ADAP1: variants seen among roughly 807,000 people sequenced by gnomAD.
The protein encoded by ADAP1 is arf-GAP with dual PH domain-containing protein 1.
ADAP1 carries 31 observed loss-of-function variants against 54.9 expected under a neutral mutation model. The observed-to-expected ratio is 0.56, with a 90% confidence interval of 0.42 to 0.76. The LOEUF (loss-of-function observed/expected upper bound fraction) is 0.76. Among genes scored for constraint, ADAP1 ranks in the 30% least tolerant of loss-of-function variants. The probability of loss-of-function intolerance (pLI) is 0.00; values close to 1 mark genes in which losing one functional copy is unlikely to be tolerated. For synonymous variants in ADAP1, 313 were observed against 202.6 expected (o/e 1.55, Z -4.63); for missense variants, 535 against 512.4 (o/e 1.04, Z -0.42).
chr7:903,815 C>T (rs936459741), intron 6 of ADAP1: 10 of 297,954 alleles, frequency 3.4e-5, no homozygotes, highest in Non-Finnish European at 5.8e-5. Flanking sequence ...CCCGAGCTGG[C>T]AGCCCCCACT....
intron 1 of ADAP1, among the ~76,000 whole-genome samples, chr7:947,400 C>A (rs893206481): frequency 2.0e-5 from 3 of 152,054 alleles, no homozygotes; most frequent in Admixed American, 6.5e-5. Flanking sequence ...CACACACTGG[C>A]AACCCCTGTC....
At chr7:913,283 C>G (rs1417646013) in intron 4 of ADAP1, among the ~76,000 whole-genome samples, 1 of 144,828 alleles carries the variant, frequency 6.9e-6, no homozygotes, top group Non-Finnish European at 1.5e-5. Context: ...TCACTGCAAG[C>G]TCCACCTCCT....
At position 954,481 on chromosome 7, in the gene ADAP1, C is replaced by A; in HGVS notation, c.-4G>T. ...CCCTGCGCCGCTCCTTGGCCATGGC[C>A]GCGATGCGCCCGCGATGCCGATGCC... On this transcript the variant is annotated 5_prime_UTR_variant, in exon 1 of 11. Transcript: ENST00000265846. The A allele has an allele frequency of 9.7e-7, 1 of 1,026,726 alleles. No homozygotes were observed. 63.6% of individuals were successfully genotyped at this position (1,026,726 alleles called of 1,614,324 possible).
At chr7:935,548 A>AC in intron 1 of ADAP1, 43 bp from the exon 2 acceptor site, 1 of 1,549,618 alleles carries the variant, frequency 6.5e-7, no homozygotes, top group Non-Finnish European at 8.7e-7. Flanking sequence ...CAGCCCAGGG[A>AC]CCCCGGAGGG....
chr7:899,018 G>T lies in ADAP1; in HGVS notation c.1096+15C>A, dbSNP rs200952842. The stretch of plus-strand genomic sequence containing the variant: ...TGGGAGCCCTTCCAGGCCGCCGGCC[G>T]CCCGCCCCCCTCACCTGCGTACTCC... On this transcript the variant is annotated intron_variant, in intron 10 of 10. Coordinates refer to ENST00000265846, the MANE Select transcript of ADAP1 (RefSeq NM_006869.4). 4 of 1,609,272 alleles carry T rather than the reference G, an allele frequency of 2.5e-6. No individual in the cohort carries two copies. Among genetic ancestry groups the T allele is most frequent in the Non-Finnish European group, 2.5e-6 (3 of 1,179,470 alleles).
chr7:926,703 G>C lies in ADAP1; in HGVS notation c.214-59C>G. 7.3e-7 allele frequency: 1 copy of C among 1,378,578 alleles called. No homozygotes were observed. Among genetic ancestry groups the C allele is most frequent in the Non-Finnish European group, 9.7e-7 (1 of 1,025,720 alleles). 85.4% of individuals were successfully genotyped at this position (1,378,578 alleles called of 1,614,324 possible). On this transcript the variant is annotated intron_variant, in intron 2 of 10. Transcript: ENST00000265846. This position sits in a 1 kb window ranked among gnomAD's most constrained non-coding sequence, Gnocchi z 4.6. ...GGGTCCCAGGGGCAGCCTAGGAGGT[G>C]CCAGCTGCCCTTGGGGCCGTCACCA... is the stretch of plus-strand genomic sequence containing the variant.
chr7:939,454 G>A (rs1192575720), intron 1 of ADAP1, among the ~76,000 whole-genome samples: 2 of 151,882 alleles, frequency 1.3e-5, no homozygotes, highest in East Asian at 3.9e-4. Flanking sequence ...CCCGACTTAG[G>A]TGATCCGCCT....
intron 4 of ADAP1, among the ~76,000 whole-genome samples, chr7:907,240 C>T (rs780141831): frequency 6.6e-6 from 1 of 152,138 alleles, no homozygotes; most frequent in Non-Finnish European, 1.5e-5. Flanking sequence ...GGACACGCCA[C>T]CTTCTATGGC....
At chr7:901,570 G>C (rs1249221762) in intron 6 of ADAP1, among the ~76,000 whole-genome samples, 1 of 152,156 alleles carries the variant, frequency 6.6e-6, no homozygotes, top group Non-Finnish European at 1.5e-5. Context: ...GGATGGTGTA[G>C]CCCCAGGCTC....
chr7:905,723 GGAAAGGA>G, intron 4 of ADAP1: 1 of 7,100 alleles, frequency 1.4e-4, no homozygotes, highest in African/African-American at 6.3e-4. Flanking sequence ...AAGGAGAAAG[GGAAAGGA>G]GAAAGGGAAA....
chr7:904,474 T>A (rs1308089384), intron 5 of ADAP1, among the ~76,000 whole-genome samples: 1 of 152,088 alleles, frequency 6.6e-6, no homozygotes, highest in Non-Finnish European at 1.5e-5. Context: ...GATGGGGACC[T>A]CAACGACACT....
intron 2 of ADAP1, chr7:927,203 G>GCC: frequency 7.8e-7 from 1 of 1,281,344 alleles, no homozygotes; most frequent in Non-Finnish European, 1.0e-6. Flanking sequence ...GAAACAGGCT[G>GCC]AGGGAGAAGG....
intron 1 of ADAP1, among the ~76,000 whole-genome samples, chr7:942,361 AGAGAGAG>A (rs1846965716): frequency 8.0e-6 from 1 of 125,034 alleles, no homozygotes; most frequent in Non-Finnish European, 1.7e-5. Flanking sequence ...AGGAAGAGGA[AGAGAGAG>A]GAGGAGGAGG....
At position 905,300 on chromosome 7, in the gene ADAP1, G is replaced by GGGAGA. The variant is rs1554271632; in HGVS notation, c.389-129_389-128insTCTCC. 16 of 296,258 alleles carry GGGAGA rather than the reference G, an allele frequency of 5.4e-5. 1 individual carries two copies. The highest frequency in any genetic ancestry group is 5.4e-4 in the African/African-American group (6 of 11,178). The allele number at this position is 296,258 out of a possible 1,614,324, so 18.4% of individuals were successfully genotyped here. A position where few individuals can be genotyped will look rare whatever the true frequency, so the allele number is the denominator to read the frequency against. Reference sequence around the variant, plus strand: ...GGGACACGGACGGGGGACACGGACAGGGGGAGACGGACGGGGAGAGGGGAC... The same window carrying GGGAGA: ...GGGACACGGACGGGGGACACGGACAGGGAGAGGGGAGACGGACGGGGAGAGGGGAC... On this transcript the variant is annotated intron_variant, in intron 4 of 10. Transcript: ENST00000265846.
chr7:932,052 G>A (rs1001417399), intron 2 of ADAP1, among the ~76,000 whole-genome samples: 10 of 152,238 alleles, frequency 6.6e-5, no homozygotes, highest in Non-Finnish European at 1.3e-4. Context: ...CTGCCTGGGG[G>A]CCGGGGTGCA....
Position 926,566 on chromosome 7 carries a change from G to A in ADAP1, c.292C>T (p.Pro98Ser). 5.2e-6 allele frequency: 8 copies of A among 1,538,998 alleles called. No homozygotes were observed. The highest frequency in any genetic ancestry group is 7.0e-6 in the Non-Finnish European group (8 of 1,143,248). Residue 98 changes from proline to serine, a missense_variant, in exon 3 of 11, where the codon CCC becomes TCC. Transcript: ENST00000265846. This position sits in a 1 kb window ranked among gnomAD's most constrained non-coding sequence, Gnocchi z 4.6. Reference sequence around the variant, plus strand: ...CTTTGTACTCACTGGCAGTCGGAGGGCGTGGGCCGGTAGTAGAAGGAGGGT... The same window carrying A: ...CTTTGTACTCACTGGCAGTCGGAGGACGTGGGCCGGTAGTAGAAGGAGGGT... ...KVPSFYYRPT[P>S]SDCQLLREQW...
chr7:905,031 C>T (rs1474869177), intron 5 of ADAP1, 29 bp downstream of exon 5: 4 of 1,586,304 alleles, frequency 2.5e-6, no homozygotes, highest in Admixed American at 1.7e-5. Context: ...CTGGGACAGG[C>T]CCCCACCCCA....
chr7:939,083 G>A (rs183769384), intron 1 of ADAP1, among the ~76,000 whole-genome samples: 68 of 152,288 alleles, frequency 4.5e-4, no homozygotes, highest in Non-Finnish European at 6.6e-4. Context: ...TCTACGGCGT[G>A]GACCAGCTGC....
chr7:920,712 A>G lies in ADAP1; in HGVS notation c.306-662T>C, dbSNP rs1020359868. The G allele has an allele frequency of 4.0e-5, 52 of 1,316,158 alleles. No homozygotes were observed. Among genetic ancestry groups the G allele is most frequent in the Admixed American group, 2.0e-4 (9 of 44,174 alleles). The allele number at this position is 1,316,158 out of a possible 1,614,324, so 81.5% of individuals were successfully genotyped here. Reference sequence around the variant, plus strand: ...GTAAAGCCCGGGACGAGGGCCCCCCACGGCACCCACTGAGCCCAGACATCC... The same window carrying G: ...GTAAAGCCCGGGACGAGGGCCCCCCGCGGCACCCACTGAGCCCAGACATCC... On this transcript the variant is annotated intron_variant, in intron 3 of 10. Transcript: ENST00000265846. The surrounding 1 kb of genome is among the most constrained non-coding windows in gnomAD (Gnocchi z 4.5).
Sources: gnomAD v4.1 joint callset for allele counts (sites outside exome capture counted in the v4.1 genomes callset) on GRCh38, gnomAD v4.1.1 for gene constraint, Gnocchi (gnomAD v3.1) non-coding constraint, MANE v1.5 for transcripts, NCBI Gene and HGNC (gene_info 2026-07-23, HGNC 2026-07-21) for gene names.